Variants in SYNE2 observed in about 807,000 individuals in gnomAD.
SYNE2 encodes the protein nesprin-2.
Under a neutral mutation model 856.3 loss-of-function variants are expected in SYNE2, and 431 were observed. The observed-to-expected ratio is 0.50, with a 90% CI of 0.47 to 0.55. SYNE2 has a LOEUF of 0.55. Among genes scored for constraint, SYNE2 ranks in the 20% least tolerant of loss-of-function variants. SYNE2 has a pLI of 0.00. For missense variants in SYNE2, 8,129 were observed against 8,023.2 expected, an observed-to-expected ratio of 1.01 and a Z score of -0.50; for synonymous variants, 2,923 against 2,872.3, an observed-to-expected ratio of 1.02 and a Z score of -0.56.
chr14:64,200,399 C>T (rs1255776379), intron 99 of SYNE2, among the ~76,000 whole-genome samples: 7 of 152,172 alleles, frequency 4.6e-5, no homozygotes, highest in Non-Finnish European at 1.0e-4. Flanking sequence ...CAGAGCCTTC[C>T]AGGAGGGCAG....
rs138286688 is a variant in SYNE2 at position 64,125,580 on chromosome 14, G to T, written c.13554+370G>T. Among the ~76,000 whole-genome samples the T allele has an allele frequency of 2.2e-4, 33 of 152,288 alleles. 2 individuals are homozygous for T. The East Asian group carries it at 3.5e-3, about 16-fold the overall frequency. On this transcript the variant is annotated intron_variant, in intron 71 of 115. Transcript: ENST00000555002. Reference sequence around the variant, plus strand: ...AGGTAATTAATGCTAGGTTATGTGAGGTGTCTATCAGAGAAGATAGTAGGA... The same window carrying T: ...AGGTAATTAATGCTAGGTTATGTGATGTGTCTATCAGAGAAGATAGTAGGA...
At chr14:63,972,196 G>C (rs1286822618) in intron 11 of SYNE2, among the ~76,000 whole-genome samples, 2 of 152,116 alleles carry the variant, frequency 1.3e-5, no homozygotes, top group Non-Finnish European at 2.9e-5. Context: ...ACGGACTCTT[G>C]TGAAGGATAA....
At chr14:64,128,945 C>T (rs554072849) in intron 74 of SYNE2, among the ~76,000 whole-genome samples, 7 of 152,328 alleles carry the variant, frequency 4.6e-5, no homozygotes. Flanking sequence ...ATTGAGGATC[C>T]ACTATGTTCC....
chr14:63,892,475 C>T (rs1198662232), intron 1 of SYNE2, among the ~76,000 whole-genome samples: 2 of 150,226 alleles, frequency 1.3e-5, no homozygotes, highest in Non-Finnish European at 2.9e-5. Flanking sequence ...GCATTTTTAC[C>T]TTAAAATACA....
chr14:63,919,972 G>GTTTT lies in SYNE2; in HGVS notation c.79+10761_79+10764dup, dbSNP rs10673123. Among the ~76,000 whole-genome samples, 653 of 110,576 alleles carry GTTTT rather than the reference G, an allele frequency of 5.9e-3. 17 individuals carry two copies. The highest frequency in any genetic ancestry group is 0.023 in the African/African-American group (601 of 26,132). The allele number at this position is 110,576 out of a possible 152,430, so 72.5% of individuals were successfully genotyped here. The stretch of plus-strand genomic sequence containing the variant: ...ATATCAGGCACATGATAAAAGGTAA[G>GTTTT]TTTTTTTTTTTTTTTTTTTAAGGTA... On this transcript the variant is annotated intron_variant, in intron 2 of 115. Coordinates refer to ENST00000555002, the MANE Select transcript of SYNE2 (RefSeq NM_182914.3).
chr14:63,812,391 T>C (rs1888647409), intron 1 of SYNE2, among the ~76,000 whole-genome samples: 2 of 152,182 alleles, frequency 1.3e-5, no homozygotes, highest in Admixed American at 6.5e-5. Flanking sequence ...ATCACTGTTA[T>C]TCTGTTCTTT....
chr14:64,221,530 C>T, intron 111 of SYNE2, 46 bp from the exon 112 acceptor site: 1 of 1,614,156 alleles, frequency 6.2e-7, no homozygotes, highest in Non-Finnish European at 8.5e-7. Context: ...ACACCCTCTT[C>T]CAGGGCTCTA....
chr14:63,958,965 TC>T (rs1159378459), intron 8 of SYNE2, among the ~76,000 whole-genome samples: 1 of 152,226 alleles, frequency 6.6e-6, no homozygotes, highest in Non-Finnish European at 1.5e-5. Context: ...TTTATCCCCA[TC>T]AGTATGAAGT....
intron 107 of SYNE2, chr14:64,215,855 C>T (rs1260356523): frequency 1.6e-5 from 15 of 929,730 alleles, no homozygotes; most frequent in South Asian, 7.3e-5. Flanking sequence ...CATGGTGGGT[C>T]GGGGAGAGCC....
chr14:63,767,574 G>A (rs1026565824), intron 1 of SYNE2, among the ~76,000 whole-genome samples: 4 of 151,906 alleles, frequency 2.6e-5, no homozygotes, highest in African/African-American at 9.7e-5. Flanking sequence ...GGCCACACTG[G>A]GCCCTGATTC....
chr14:64,001,679 T>TTGAA (rs2096756261), intron 28 of SYNE2, among the ~76,000 whole-genome samples: 1 of 152,172 alleles, frequency 6.6e-6, no homozygotes, highest in African/African-American at 2.4e-5. Flanking sequence ...TAAATGTATG[T>TTGAA]TGAATGAATG....
intron 45 of SYNE2, among the ~76,000 whole-genome samples, chr14:64,038,057 C>T (rs548402413): frequency 1.3e-3 from 199 of 151,312 alleles, no homozygotes; most frequent in African/African-American, 4.7e-3. Flanking sequence ...GGGCAGTTGC[C>T]AGGCGGAGGG....
chr14:64,075,789 C>A, intron 53 of SYNE2, 156 bp from the exon 54 acceptor site: 3 of 726,028 alleles, frequency 4.1e-6, no homozygotes, highest in Non-Finnish European at 7.2e-6. Context: ...AACTGAGTGT[C>A]TCTGGGGCTT....
chr14:64,118,266 G>A (rs985706047), intron 66 of SYNE2, among the ~76,000 whole-genome samples: 4 of 152,132 alleles, frequency 2.6e-5, no homozygotes, highest in Admixed American at 6.5e-5. Flanking sequence ...TGGCATGACC[G>A]AGCAGGCTGC....
chr14:63,786,231 C>A (rs1228015734), intron 1 of SYNE2, among the ~76,000 whole-genome samples: 2 of 138,614 alleles, frequency 1.4e-5, no homozygotes, highest in African/African-American at 5.4e-5. Flanking sequence ...GTCTGGGCAA[C>A]ACAGCAAGAC....
intron 1 of SYNE2, among the ~76,000 whole-genome samples, chr14:63,830,404 T>C (rs1444631930): frequency 6.6e-6 from 1 of 152,146 alleles, no homozygotes; most frequent in Non-Finnish European, 1.5e-5. Context: ...CTCATGCCTG[T>C]AATCCCAGCA....
At chr14:64,115,559 G>C (rs1019790101) in intron 66 of SYNE2, among the ~76,000 whole-genome samples, 1 of 152,190 alleles carries the variant, frequency 6.6e-6, no homozygotes, top group Non-Finnish European at 1.5e-5. Flanking sequence ...GTTGGGTGCA[G>C]TTTTCAGGGG....
At chr14:64,137,196 G>A (rs150367013) in intron 78 of SYNE2, among the ~76,000 whole-genome samples, 36 of 152,028 alleles carry the variant, frequency 2.4e-4, no homozygotes, top group African/African-American at 7.7e-4. Flanking sequence ...TGGTTGGTTG[G>A]TTTGTTTTGT....
In SYNE2 at chr14:64,051,675, G is replaced by A. The variant is rs373690979; in HGVS notation, c.7762G>A (p.Val2588Met). Residue 2588 changes from valine (V) to methionine (M), a missense_variant, in exon 48 of 116, where the codon GTG becomes ATG. Coordinates refer to ENST00000555002, the MANE Select transcript of SYNE2 (RefSeq NM_182914.3). Reference protein sequence around the residue: ...KIKWENLSNHVTDMDKKLLES... With the variant: ...KIKWENLSNHMTDMDKKLLES... Reference sequence around the variant, plus strand: ...CAAATGGGAGAATTTATCAAACCACGTGACTGACATGGATAAGAAATTGTT... The same window carrying A: ...CAAATGGGAGAATTTATCAAACCACATGACTGACATGGATAAGAAATTGTT... The A allele has an allele frequency of 2.0e-4, 315 of 1,614,068 alleles. No individual in the cohort carries two copies. The highest frequency in any genetic ancestry group is 2.7e-4 in the Admixed American group (16 of 59,992).
Sources: allele counts gnomAD v4.1 joint callset (sites outside exome capture counted in the v4.1 genomes callset), GRCh38; gene constraint gnomAD v4.1.1; transcripts MANE v1.5; gene names NCBI Gene and HGNC (gene_info 2026-07-23, HGNC 2026-07-21).